LRRC4C: variants seen among roughly 807,000 people sequenced by gnomAD.
LRRC4C encodes the protein leucine-rich repeat-containing protein 4C.
LRRC4C carries 5 observed loss-of-function variants against 33.6 expected under a neutral mutation model. The ratio of observed to expected loss-of-function variants is 0.15; its 90% CI spans 0.08 to 0.31. The LOEUF is 0.31. Ranked by LOEUF, LRRC4C falls within the 10% of genes least tolerant of loss-of-function variation. The pLI, the probability that LRRC4C is intolerant of heterozygous loss-of-function variation, is 1.00. For missense variants in LRRC4C, 560 were observed against 796.7 expected (o/e 0.70, Z 3.58); for synonymous variants, 329 against 302.0 (o/e 1.09, Z -0.93).
chr11:40,825,144 G>A (rs1173645426), intron 2 of LRRC4C, among the ~76,000 whole-genome samples: 1 of 151,922 alleles, frequency 6.6e-6, no homozygotes, highest in Non-Finnish European at 1.5e-5. Flanking sequence ...AAGAGAAAAC[G>A]AGACTCAGGG....
At chr11:40,886,135 ATATT>A (rs1174300998) in intron 2 of LRRC4C, among the ~76,000 whole-genome samples, 2 of 152,048 alleles carry the variant, frequency 1.3e-5, no homozygotes, top group African/African-American at 4.8e-5. Context: ...TAATACACTT[ATATT>A]TATTTATCTA....
Position 41,356,296 on chromosome 11 carries a change from A to T in LRRC4C, c.-496+103135T>A, listed in dbSNP as rs190096603. 9.2e-5 allele frequency among the ~76,000 whole-genome samples: 14 copies of T among 152,298 alleles called. No homozygotes were observed. In the East Asian group the frequency reaches 2.5e-3, roughly 27 times the overall value. On this transcript the variant is annotated intron_variant, in intron 1 of 6. Transcript: ENST00000528697. The stretch of plus-strand genomic sequence containing the variant: ...TCAAACAATTTGCCCTCTTGATTTT[A>T]TATCTACTGGTAGATCACACTGTGT...
At chr11:41,050,685 C>T (rs1488638325) in intron 1 of LRRC4C, among the ~76,000 whole-genome samples, 1 of 152,142 alleles carries the variant, frequency 6.6e-6, no homozygotes, top group Non-Finnish European at 1.5e-5. Context: ...TTTATCCAGT[C>T]TATCACTGAT....
intron 2 of LRRC4C, among the ~76,000 whole-genome samples, chr11:40,828,007 T>A (rs1952239558): frequency 6.6e-6 from 1 of 151,764 alleles, no homozygotes; most frequent in South Asian, 2.1e-4. Context: ...TCTACATGGT[T>A]AGAAGTCTAA....
intron 2 of LRRC4C, among the ~76,000 whole-genome samples, chr11:40,791,770 T>C (rs544550068): frequency 6.6e-6 from 1 of 152,282 alleles, no homozygotes; most frequent in South Asian, 2.1e-4. Context: ...TAGATGTCCT[T>C]CTCTTCCTTC....
intron 2 of LRRC4C, among the ~76,000 whole-genome samples, chr11:40,683,209 C>G (rs1421719294): frequency 6.6e-6 from 1 of 152,178 alleles, no homozygotes; most frequent in Non-Finnish European, 1.5e-5. Flanking sequence ...ATGCTGCCCT[C>G]TTGCTGGGGA....
At chr11:40,606,938 G>A (rs557141135) in intron 3 of LRRC4C, among the ~76,000 whole-genome samples, 1 of 152,222 alleles carries the variant, frequency 6.6e-6, no homozygotes, top group South Asian at 2.1e-4. Flanking sequence ...CAAAGATAAT[G>A]AGAGAATTTT....
intron 4 of LRRC4C, among the ~76,000 whole-genome samples, chr11:40,244,296 C>G (rs1292190733): frequency 1.3e-5 from 2 of 152,058 alleles, no homozygotes; most frequent in East Asian, 3.9e-4. Flanking sequence ...CTTCAGCCCC[C>G]CATCTGAGCT....
intron 5 of LRRC4C, among the ~76,000 whole-genome samples, chr11:40,162,887 A>T (rs1432470760): frequency 6.6e-6 from 1 of 152,214 alleles, no homozygotes; most frequent in African/African-American, 2.4e-5. Context: ...CATTTTCATG[A>T]GATAGGATTT....
chr11:41,322,422 T>A (rs1950985395), intron 1 of LRRC4C, among the ~76,000 whole-genome samples: 1 of 152,160 alleles, frequency 6.6e-6, no homozygotes, highest in South Asian at 2.1e-4. Flanking sequence ...AGATTTTAAA[T>A]CACCTATCAA....
At chr11:41,096,963 C>T (rs889489913) in intron 1 of LRRC4C, among the ~76,000 whole-genome samples, 20 of 152,078 alleles carry the variant, frequency 1.3e-4, no homozygotes, top group Admixed American at 1.1e-3. Context: ...TGATATCTTA[C>T]GTGGTCCTCA....
chr11:40,492,569 A>C (rs1408666571), intron 3 of LRRC4C, among the ~76,000 whole-genome samples: 2 of 152,118 alleles, frequency 1.3e-5, no homozygotes, highest in Admixed American at 6.5e-5. Context: ...TTCCTTCTGC[A>C]CCTAGGCTGT....
chr11:40,814,355 C>G (rs912947434), intron 2 of LRRC4C, among the ~76,000 whole-genome samples: 4 of 152,126 alleles, frequency 2.6e-5, no homozygotes, highest in Non-Finnish European at 5.9e-5. Context: ...ACCTTGGCTC[C>G]TTTTAGCCAT....
intron 4 of LRRC4C, among the ~76,000 whole-genome samples, chr11:40,301,454 T>C: frequency 6.6e-6 from 1 of 152,206 alleles, no homozygotes; most frequent in East Asian, 1.9e-4. Context: ...TAGGAGATGG[T>C]GTGAATCCAG....
Position 41,289,757 on chromosome 11 carries a change from T to C in LRRC4C, c.-496+169674A>G, listed in dbSNP as rs1591170884. 2.0e-5 allele frequency among the ~76,000 whole-genome samples: 3 copies of C among 152,208 alleles called. No individual in the cohort carries two copies. In the East Asian group the frequency reaches 5.8e-4, roughly 29 times the overall value. ...GTCTTGTTGTTATATCATGTTGTTT[T>C]GGCAGCCCTAGCATACTAATATATG... On this transcript the variant is annotated intron_variant, in intron 1 of 6. Coordinates refer to ENST00000528697, the MANE Select transcript of LRRC4C (RefSeq NM_001258419.2).
intron 2 of LRRC4C, among the ~76,000 whole-genome samples, chr11:40,705,407 C>T (rs770933646): frequency 6.6e-6 from 1 of 151,862 alleles, no homozygotes; most frequent in African/African-American, 2.4e-5. Flanking sequence ...CGCCCTGTGT[C>T]CAAGTGTTCT....
At chr11:40,615,856 C>T (rs78817319) in intron 3 of LRRC4C, among the ~76,000 whole-genome samples, 3,086 of 151,752 alleles carry the variant, frequency 0.02, 49 homozygotes, top group South Asian at 0.038. Flanking sequence ...GAATGTTGGG[C>T]ACATAGGTGT....
At chr11:40,958,159 A>G (rs72886504) in intron 1 of LRRC4C, among the ~76,000 whole-genome samples, 507 of 151,832 alleles carry the variant, frequency 3.3e-3, no homozygotes, top group Non-Finnish European at 5.3e-3. Flanking sequence ...AGAATCCTAG[A>G]TTCTAGAACT....
intron 3 of LRRC4C, among the ~76,000 whole-genome samples, chr11:40,627,141 G>A (rs1030809356): frequency 7.0e-6 from 1 of 143,102 alleles, no homozygotes; most frequent in Non-Finnish European, 1.5e-5. Context: ...AAATTGATAA[G>A]CAAATGTAGA....
Sources: allele counts gnomAD v4.1 joint callset (sites outside exome capture counted in the v4.1 genomes callset), GRCh38; gene constraint gnomAD v4.1.1; transcripts MANE v1.5; gene names NCBI Gene and HGNC (gene_info 2026-07-23, HGNC 2026-07-21).